The following SYTL4 variants were observed in gnomAD, a reference collection of about 807,000 sequenced individuals.
SYTL4 encodes synaptotagmin like 4.
In SYTL4, 16 loss-of-function variants were observed where a neutral mutation model predicts 52.7. That is an observed-to-expected ratio of 0.30 (90% confidence interval 0.21 to 0.46). The LOEUF (loss-of-function observed/expected upper bound fraction) is 0.46, where lower values mean the gene tolerates loss of function less well. SYTL4 is among the 20% of genes least tolerant of loss of function. The pLI, the probability that SYTL4 is intolerant of heterozygous loss-of-function variation, is 1.00. For missense variants in SYTL4, 423 were observed against 519.9 expected (o/e 0.81, Z 1.81); for synonymous variants, 160 against 186.6 (o/e 0.86, Z 1.16).
At chrX:100,725,523 C>A (rs2084498954) in intron 2 of SYTL4, among the ~76,000 whole-genome samples, 1 of 112,221 alleles carries the variant, frequency 8.9e-6, no homozygotes, top group South Asian at 3.7e-4. Context: ...ATTTTGTTGG[C>A]AAATGTAAAT....
intron 8 of SYTL4, among the ~76,000 whole-genome samples, chrX:100,691,549 T>G (rs2083597829): frequency 9.1e-6 from 1 of 110,236 alleles, no homozygotes; most frequent in South Asian, 3.9e-4. Context: ...GTATACTTTT[T>G]TTTTTTGAGA....
intron 2 of SYTL4, among the ~76,000 whole-genome samples, chrX:100,718,633 G>C (rs1390834651): frequency 9.0e-6 from 1 of 110,793 alleles, no homozygotes; most frequent in Non-Finnish European, 1.9e-5. Flanking sequence ...AAAGTTGTAT[G>C]GGAGCAAAGC....
chrX:100,702,038 G>A lies in SYTL4; in HGVS notation c.-1C>T, dbSNP rs2083865847. On this transcript the variant is annotated 5_prime_UTR_variant, in exon 5 of 20. Transcript: ENST00000372989. The stretch of plus-strand genomic sequence containing the variant: ...AAGAAAGGTCCAGTAACTCCGACAT[G>A]ATTTACTCAACTTTTTCTTCTACTC... 2 of 1,177,499 alleles carry A rather than the reference G, an allele frequency of 1.7e-6. No individual in the cohort carries two copies. Among genetic ancestry groups the A allele is most frequent in the Non-Finnish European group, 1.2e-6 (1 of 867,839 alleles).
intron 2 of SYTL4, among the ~76,000 whole-genome samples, chrX:100,730,804 C>G (rs1353100508): frequency 9.2e-6 from 1 of 109,092 alleles, no homozygotes; most frequent in African/African-American, 3.3e-5. Context: ...TGCTAAAAAC[C>G]AAACAACCAA....
At chrX:100,716,891 T>G (rs1184886995) in intron 2 of SYTL4, among the ~76,000 whole-genome samples, 1 of 112,076 alleles carries the variant, frequency 8.9e-6, no homozygotes, top group East Asian at 2.8e-4. Flanking sequence ...ATAAAGCTGC[T>G]AAGTCTGGCT....
intron 2 of SYTL4, among the ~76,000 whole-genome samples, chrX:100,718,244 T>A (rs182795366): frequency 9.0e-6 from 1 of 111,540 alleles, no homozygotes; most frequent in East Asian, 2.8e-4. Context: ...CTAATCAGTA[T>A]TCTTGCCTAG....
intron 2 of SYTL4, among the ~76,000 whole-genome samples, chrX:100,707,441 C>G (rs2083980612): frequency 9.0e-6 from 1 of 111,437 alleles, no homozygotes; most frequent in Non-Finnish European, 1.9e-5. Flanking sequence ...TCCTACCTCA[C>G]TACCATCACT....
chrX:100,699,416 A>C (rs934623851), intron 8 of SYTL4, among the ~76,000 whole-genome samples: 2 of 106,238 alleles, frequency 1.9e-5, no homozygotes, highest in Non-Finnish European at 3.9e-5. Flanking sequence ...AAAAGAAAAG[A>C]AAAAAAAAGA....
intron 8 of SYTL4, among the ~76,000 whole-genome samples, chrX:100,698,552 C>G (rs1349922736): frequency 1.8e-5 from 2 of 112,049 alleles, no homozygotes; most frequent in Non-Finnish European, 3.8e-5. Context: ...CAGTTACATT[C>G]AATGGAAGAA....
intron 3 of SYTL4, among the ~76,000 whole-genome samples, chrX:100,703,856 G>C (rs1276353829): frequency 8.9e-6 from 1 of 111,998 alleles, no homozygotes; most frequent in East Asian, 2.8e-4. Context: ...CTTTTATAAA[G>C]AATTTATCTA....
chrX:100,724,122 C>T (rs1303150339), intron 2 of SYTL4, among the ~76,000 whole-genome samples: 5 of 72,723 alleles, frequency 6.9e-5, no homozygotes, highest in African/African-American at 1.2e-4. Context: ...CCCGGCCAGC[C>T]GCCCCGTCCG....
At chrX:100,683,216 G>A (rs1272317110) in intron 16 of SYTL4, among the ~76,000 whole-genome samples, 3 of 100,317 alleles carry the variant, frequency 3.0e-5, no homozygotes, top group South Asian at 4.8e-4. Context: ...GCGCAATCTC[G>A]GCTCACAGCA....
At chrX:100,723,805 C>A (rs12389294) in intron 2 of SYTL4, among the ~76,000 whole-genome samples, 1 of 108,917 alleles carries the variant, frequency 9.2e-6, no homozygotes, top group East Asian at 3.0e-4. Flanking sequence ...TCCCTCCGCC[C>A]GGCAGCCACC....
At chrX:100,726,358 G>A (rs189281016) in intron 2 of SYTL4, among the ~76,000 whole-genome samples, 90 of 110,952 alleles carry the variant, frequency 8.1e-4, no homozygotes, top group Non-Finnish European at 7.5e-4. Context: ...TCCTCTTTTC[G>A]TCTCTCTCAA....
chrX:100,686,844 C>A, intron 14 of SYTL4, 63 bp from the exon 15 acceptor site: 1 of 982,836 alleles, frequency 1.0e-6, no homozygotes, highest in Non-Finnish European at 1.4e-6. Flanking sequence ...TTTCACTTTC[C>A]TCCTCTCCAT....
At chrX:100,689,296 G>T (rs2083540185) in intron 12 of SYTL4, among the ~76,000 whole-genome samples, 1 of 103,415 alleles carries the variant, frequency 9.7e-6, no homozygotes, top group Non-Finnish European at 2.0e-5. Context: ...GACAGCTTGA[G>T]CTCAGGAGTT....
chrX:100,687,520 C>A, intron 13 of SYTL4: 1 of 333,480 alleles, frequency 3.0e-6, no homozygotes, highest in South Asian at 6.1e-5. Flanking sequence ...TTTTCACCTG[C>A]CCCAGGAGGT....
intron 19 of SYTL4, 53 bp downstream of exon 19, chrX:100,678,338 G>T: frequency 1.0e-6 from 1 of 976,456 alleles, no homozygotes; most frequent in Non-Finnish European, 1.5e-6. Context: ...GGTAATAGGA[G>T]TAAAATAGAC....
At chrX:100,712,286 C>T (rs1452791041) in intron 2 of SYTL4, among the ~76,000 whole-genome samples, 1 of 111,671 alleles carries the variant, frequency 9.0e-6, no homozygotes, top group East Asian at 2.8e-4. Context: ...TATAATCGAC[C>T]GTTTAAAGGA....
Sources: allele counts gnomAD v4.1 joint callset (sites outside exome capture counted in the v4.1 genomes callset), GRCh38; gene constraint gnomAD v4.1.1; transcripts MANE v1.5; gene names NCBI Gene and HGNC (gene_info 2026-07-23, HGNC 2026-07-21).